Variants in SMU1 observed in about 807,000 individuals in gnomAD.
SMU1 encodes the protein WD40 repeat-containing protein SMU1.
In SMU1, 2 loss-of-function variants were observed where a neutral mutation model predicts 62.0. The observed-to-expected ratio is 0.03, with a 90% CI of 0.01 to 0.10. The LOEUF (loss-of-function observed/expected upper bound fraction) is 0.10. Among genes scored for constraint, SMU1 ranks in the 10% least tolerant of loss-of-function variants. The pLI, the probability that SMU1 is intolerant of heterozygous loss-of-function variation, is 1.00. For synonymous variants in SMU1, 188 were observed against 212.4 expected (o/e 0.89, Z 1.00); for missense variants, 227 against 622.1 (o/e 0.36, Z 6.76).
At position 33,045,500 on chromosome 9, in the gene SMU1, A is replaced by T. The variant is rs1839173875; in HGVS notation, c.*1793T>A. On this transcript the variant is annotated 3_prime_UTR_variant, in exon 12 of 12. Coordinates refer to ENST00000397149, the MANE Select transcript of SMU1 (RefSeq NM_018225.3). Reference sequence around the variant, plus strand: ...AGAATTAATTCAGCAAACACTGAACATTACTACGTGCCACATATAGGATCA... The same window carrying T: ...AGAATTAATTCAGCAAACACTGAACTTTACTACGTGCCACATATAGGATCA... 1 of 152,270 alleles carries T rather than the reference A, an allele frequency of 6.6e-6. No homozygotes were observed. Among genetic ancestry groups the T allele is most frequent in the Non-Finnish European group, 1.5e-5 (1 of 68,058 alleles). The allele number at this position is 152,270 out of a possible 1,614,324, so 9.4% of individuals were successfully genotyped here.
intron 5 of SMU1, among the ~76,000 whole-genome samples, chr9:33,061,613 T>C (rs976435108): frequency 2.6e-5 from 4 of 152,278 alleles, no homozygotes; most frequent in Non-Finnish European, 4.4e-5. Context: ...AACCACACCA[T>C]AGGAAGATAA....
chr9:33,061,136 G>A (rs925633029), intron 5 of SMU1, among the ~76,000 whole-genome samples: 1 of 152,174 alleles, frequency 6.6e-6, no homozygotes, highest in Non-Finnish European at 1.5e-5. Flanking sequence ...TCTGATAAAT[G>A]CATTCTGAGC....
intron 3 of SMU1, among the ~76,000 whole-genome samples, chr9:33,070,607 A>G (rs1425538907): frequency 6.6e-6 from 1 of 152,252 alleles, no homozygotes; most frequent in Non-Finnish European, 1.5e-5. Context: ...TGTTCACAAT[A>G]GGCAAGATTT....
chr9:33,056,357 A>T, intron 8 of SMU1, 118 bp from the exon 9 acceptor site: 1 of 1,043,112 alleles, frequency 9.6e-7, no homozygotes, highest in Non-Finnish European at 1.3e-6. Context: ...TTAAGTGAAG[A>T]GGGCTATGTG....
At chr9:33,053,363 T>G (rs1839270211) in intron 9 of SMU1, 73 bp from the exon 10 acceptor site, 2 of 1,391,168 alleles carry the variant, frequency 1.4e-6, no homozygotes, top group African/African-American at 1.5e-5. Flanking sequence ...GTTTAAAATA[T>G]TAACAGTTTA....
chr9:33,053,676 G>A (rs968530660), intron 9 of SMU1, among the ~76,000 whole-genome samples: 1 of 152,154 alleles, frequency 6.6e-6, no homozygotes, highest in African/African-American at 2.4e-5. Context: ...TTGGCATGGG[G>A]CAGATTTAAG....
intron 6 of SMU1, 123 bp from the exon 7 acceptor site, chr9:33,057,837 G>C: frequency 8.0e-7 from 1 of 1,242,484 alleles, no homozygotes; most frequent in South Asian, 1.4e-5. Context: ...GTAAACAGAA[G>C]TGCCGTGCAT....
At position 33,056,972 on chromosome 9, in the gene SMU1, TG is replaced by T. The variant is rs1349294815; in HGVS notation, c.868-9del. 1.3e-6 allele frequency: 2 copies of T among 1,577,602 alleles called. No homozygotes were observed. Among genetic ancestry groups the T allele is most frequent in the Admixed American group, 1.9e-5 (1 of 51,838 alleles). On this transcript the variant is annotated splice_polypyrimidine_tract_variant and intron_variant, in intron 7 of 11. Coordinates refer to ENST00000397149, the MANE Select transcript of SMU1 (RefSeq NM_018225.3). Reference sequence around the variant, plus strand: ...ACTCTGAATCTTCCACACCTTTATTTGAAAAAAAAAAAAGAATTAAAAAAAC... The same window carrying T: ...ACTCTGAATCTTCCACACCTTTATTTAAAAAAAAAAAAGAATTAAAAAAAC...
chr9:33,058,906 A>C (rs1411056937), intron 6 of SMU1, among the ~76,000 whole-genome samples: 1 of 152,166 alleles, frequency 6.6e-6, no homozygotes, highest in Non-Finnish European at 1.5e-5. Flanking sequence ...TTTCCTTAAA[A>C]TATAAAGAGC....
intron 6 of SMU1, 112 bp downstream of exon 6, chr9:33,060,353 G>A (rs1177548101): frequency 2.1e-6 from 2 of 933,654 alleles, no homozygotes; most frequent in South Asian, 1.7e-5. Flanking sequence ...AGTAATACAT[G>A]TTCATTACAT....
At chr9:33,051,820 C>T (rs563087782) in intron 10 of SMU1, among the ~76,000 whole-genome samples, 23 of 151,954 alleles carry the variant, frequency 1.5e-4, no homozygotes, top group African/African-American at 5.1e-4. Context: ...TTTCGGAGGC[C>T]GAGGCAGGTG....
chr9:33,047,212 C>CAAA lies in SMU1; in HGVS notation c.*78_*80dup, dbSNP rs34866457. ...CAATCTATTTGCTTAGAAAAGCTGG[C>CAAA]AAAAAAAAAAAAAAGCACATTACAT... is the stretch of plus-strand genomic sequence containing the variant. On this transcript the variant is annotated 3_prime_UTR_variant, in exon 12 of 12. Transcript: ENST00000397149. The CAAA allele has an allele frequency of 0.11, 69,544 of 638,186 alleles. 2,280 individuals are homozygous for CAAA. The highest frequency in any genetic ancestry group is 0.23 in the African/African-American group (10,276 of 45,212). 39.5% of individuals were successfully genotyped at this position (638,186 alleles called of 1,614,324 possible). A position where few individuals can be genotyped will look rare whatever the true frequency, so the allele number is the denominator to read the frequency against.
intron 4 of SMU1, 133 bp downstream of exon 4, chr9:33,068,691 G>A: frequency 1.9e-6 from 2 of 1,027,634 alleles, no homozygotes; most frequent in Non-Finnish European, 2.7e-6. Context: ...TTTTTGTAGA[G>A]ACAGAGTCTC....
intron 1 of SMU1, among the ~76,000 whole-genome samples, chr9:33,074,930 C>T (rs531626692): frequency 6.6e-6 from 1 of 152,256 alleles, no homozygotes; most frequent in South Asian, 2.1e-4. Context: ...TGCACCACCA[C>T]ACTGGCTAAT....
rs1401653735 is a variant in SMU1 at position 33,043,991 on chromosome 9, T to C, written c.*3302A>G. 4.8e-5 allele frequency: 2 copies of C among 41,542 alleles called. No individual in the cohort carries two copies. The highest frequency in any genetic ancestry group is 1.0e-4 in the Non-Finnish European group (2 of 19,680). 2.6% of individuals were successfully genotyped at this position (41,542 alleles called of 1,614,324 possible). A position where few individuals can be genotyped will look rare whatever the true frequency, so the allele number is the denominator to read the frequency against. ...TACCTGAGATTTATACCATTTGCTG[T>C]TAAAAAAAAAAAAAAAAAAAAAGCC... On this transcript the variant is annotated 3_prime_UTR_variant, in exon 12 of 12. Transcript: ENST00000397149.
At chr9:33,068,972 C>G (rs1839456574) in intron 3 of SMU1, 38 bp from the exon 4 acceptor site, 2 of 1,608,136 alleles carry the variant, frequency 1.2e-6, no homozygotes, top group Non-Finnish European at 1.7e-6. Context: ...TTCCAAGAAG[C>G]AACAACAAGA....
rs186397243 is a variant in SMU1 at position 33,069,923 on chromosome 9, C to G, written c.391-989G>C. ...GGTGGACTGCTTGAGGCCAGGACTT[C>G]GAGACCAACCTGGCCAACATGGCGA... On this transcript the variant is annotated intron_variant, in intron 3 of 11. Transcript: ENST00000397149. Among the ~76,000 whole-genome samples, 432 of 152,136 alleles carry G rather than the reference C, an allele frequency of 2.8e-3. 1 individual carries two copies. Among genetic ancestry groups the G allele is most frequent in the Middle Eastern group, 6.8e-3 (2 of 294 alleles).
intron 4 of SMU1, among the ~76,000 whole-genome samples, chr9:33,062,398 GTCTATCA>G (rs1186356332): frequency 6.6e-6 from 1 of 152,242 alleles, no homozygotes; most frequent in Admixed American, 6.5e-5. Context: ...GAGCCAACAA[GTCTATCA>G]TCCACCTATT....
intron 9 of SMU1, 60 bp from the exon 10 acceptor site, chr9:33,053,350 AGGGTT>A: frequency 6.7e-7 from 1 of 1,490,124 alleles, no homozygotes; most frequent in Non-Finnish European, 9.1e-7. Context: ...CTAAAGTTTT[AGGGTT>A]TAAAATATTA....
Sources: gnomAD v4.1 joint callset for allele counts (sites outside exome capture counted in the v4.1 genomes callset) on GRCh38, gnomAD v4.1.1 for gene constraint, MANE v1.5 for transcripts, NCBI Gene and HGNC (gene_info 2026-07-23, HGNC 2026-07-21) for gene names.